SLC4A3: variants seen among roughly 807,000 people sequenced by gnomAD.
The protein encoded by SLC4A3 is anion exchange protein 3.
In SLC4A3, 47 loss-of-function variants were observed where a neutral mutation model predicts 114.2. The ratio of observed to expected loss-of-function variants is 0.41; its 90% CI spans 0.33 to 0.52. The LOEUF (loss-of-function observed/expected upper bound fraction) is 0.52. SLC4A3 is among the 20% of genes least tolerant of loss of function. SLC4A3 has a pLI of 0.21. For missense variants in SLC4A3, 1,312 were observed against 1,668.3 expected (o/e 0.79, Z 3.72); for synonymous variants, 693 against 710.3 (o/e 0.98, Z 0.39).
Position 219,639,483 on chromosome 2 carries a change from C to G in SLC4A3, c.3025C>G (p.Leu1009Val). 1 of 1,612,592 alleles carries G rather than the reference C, an allele frequency of 6.2e-7. No individual in the cohort carries two copies. The highest frequency in any genetic ancestry group is 1.1e-5 in the South Asian group (1 of 91,032). ...LIFMETQITA[L>V]IVSQKARRLL... Reference sequence around the variant, plus strand: ...CCGCTCCCCACCTTCTCCCTGCAGGCTTATCGTCAGCCAGAAGGCGCGGAG... The same window carrying G: ...CCGCTCCCCACCTTCTCCCTGCAGGGTTATCGTCAGCCAGAAGGCGCGGAG... The change falls in exon 20 of 23, where the codon CTT becomes GTT. Residue 1009 changes from leucine to valine, a missense_variant and splice_region_variant. Around this residue, in one of 4 missense-constraint regions of SLC4A3, gnomAD observed 301 missense variants for 460.7 expected, o/e 0.65. Coordinates refer to ENST00000358055, the MANE Select transcript of SLC4A3 (RefSeq NM_005070.4). This position sits in a 1 kb window ranked among gnomAD's most constrained non-coding sequence, Gnocchi z 5.9.
intron 12 of SLC4A3, among the ~76,000 whole-genome samples, 189 bp from the exon 13 acceptor site, chr2:219,635,082 G>A (rs974009674): frequency 4.6e-5 from 7 of 152,128 alleles, no homozygotes; most frequent in African/African-American, 1.4e-4. Flanking sequence ...GGGGCTTTGG[G>A]GCAGTGGCTT....
chr2:219,633,194 C>T, intron 9 of SLC4A3, 80 bp from the exon 10 acceptor site: 1 of 1,420,308 alleles, frequency 7.0e-7, no homozygotes, highest in African/African-American at 1.4e-5. Context: ...GATGGAGGTC[C>T]TGACCCTCCA....
intron 8 of SLC4A3, among the ~76,000 whole-genome samples, 167 bp from the exon 9 acceptor site, chr2:219,632,707 C>G (rs1698971447): frequency 1.3e-5 from 2 of 152,244 alleles, no homozygotes; most frequent in Non-Finnish European, 2.9e-5. Context: ...TTTCACGGCC[C>G]CTCTCTGACT....
chr2:219,635,585 G>C, intron 13 of SLC4A3, 88 bp from the exon 14 acceptor site: 1 of 1,476,372 alleles, frequency 6.8e-7, no homozygotes, highest in Non-Finnish European at 9.3e-7. Context: ...CCTGACTCCT[G>C]GAGTCCTTTG....
In SLC4A3 at chr2:219,638,944, T is replaced by C; in HGVS notation, c.3023+75T>C. 6.8e-7 allele frequency: 1 copy of C among 1,480,884 alleles called. No individual in the cohort carries two copies. The highest frequency in any genetic ancestry group is 1.8e-5 in the Admixed American group (1 of 56,122). The allele number at this position is 1,480,884 out of a possible 1,614,324, so 91.7% of individuals were successfully genotyped here. A position where few individuals can be genotyped will look rare whatever the true frequency, so the allele number is the denominator to read the frequency against. ...GCTCCTTGGCTTGGTTTCAGGGTTA[T>C]AGCAGGGACATCATTATCAGTATCA... is the stretch of plus-strand genomic sequence containing the variant. On this transcript the variant is annotated intron_variant, in intron 19 of 22. Coordinates refer to ENST00000358055, the MANE Select transcript of SLC4A3 (RefSeq NM_005070.4). This position sits in a 1 kb window ranked among gnomAD's most constrained non-coding sequence, Gnocchi z 7.5.
In SLC4A3 at chr2:219,639,458, C is replaced by A; in HGVS notation, c.3024-24C>A. ...CTGCCCCTGCCAGGCCAGCCACACC[C>A]CGCTCCCCACCTTCTCCCTGCAGGC... On this transcript the variant is annotated intron_variant, in intron 19 of 22. Transcript: ENST00000358055. This position sits in a 1 kb window ranked among gnomAD's most constrained non-coding sequence, Gnocchi z 5.9. 6.2e-7 allele frequency: 1 copy of A among 1,605,878 alleles called. No homozygotes were observed. The highest frequency in any genetic ancestry group is 1.1e-5 in the South Asian group (1 of 90,822).
rs766023665 is a variant in SLC4A3, at chr2:219,629,227, A to C, written c.301A>C (p.Thr101Pro). 20 of 1,612,336 alleles carry C rather than the reference A, an allele frequency of 1.2e-5. No homozygotes were observed. The East Asian group carries it at 4.5e-4, about 36-fold the overall frequency. ...CCACAAGCTGCGGCGGCTGCCCCCC[A>C]CCTCTGCCCGGCACACCAGGAGAAA... The part of the protein sequence containing the change: ...PPHKLRRLPP[T>P]SARHTRRKRK... The change falls in exon 4 of 23, where the codon ACC becomes CCC. Residue 101 changes from threonine to proline, a missense_variant. By Grantham distance (38) the Thr-to-Pro change is conservative. Coordinates refer to ENST00000358055, the MANE Select transcript of SLC4A3 (RefSeq NM_005070.4).
chr2:219,632,566 G>T (rs377514097), intron 8 of SLC4A3, 124 bp downstream of exon 8: 2 of 1,176,028 alleles, frequency 1.7e-6, no homozygotes, highest in South Asian at 1.6e-5. Flanking sequence ...ACCTGGGACC[G>T]TGGGGGTCCA....
In SLC4A3 at chr2:219,638,368, G is replaced by A; in HGVS notation, c.2856+115G>A. ...ATCAGGCCTGAACTCAACTTTCCCA[G>A]TGGAGTGGCCGCCCTGGGGGCTGAG... On this transcript the variant is annotated intron_variant, in intron 18 of 22. Coordinates refer to ENST00000358055, the MANE Select transcript of SLC4A3 (RefSeq NM_005070.4). The surrounding 1 kb of genome is among the most constrained non-coding windows in gnomAD (Gnocchi z 7.5). 1.2e-6 allele frequency: 1 copy of A among 866,432 alleles called. No individual in the cohort carries two copies. Among genetic ancestry groups the A allele is most frequent in the Non-Finnish European group, 1.8e-6 (1 of 544,350 alleles). The allele number at this position is 866,432 out of a possible 1,614,324, so 53.7% of individuals were successfully genotyped here. A position where few individuals can be genotyped will look rare whatever the true frequency, so the allele number is the denominator to read the frequency against.
intron 11 of SLC4A3, 93 bp from the exon 12 acceptor site, chr2:219,634,327 C>A: frequency 7.7e-7 from 1 of 1,290,430 alleles, no homozygotes; most frequent in Non-Finnish European, 1.1e-6. Context: ...TTACAACCTG[C>A]TCAACTGTCC....
Position 219,635,381 on chromosome 2 carries a change from T to C in SLC4A3, c.1857T>C (p.Arg619=). The change falls in exon 13 of 23, where the codon CGT becomes CGC. Residue 619 remains arginine, a synonymous_variant. Transcript: ENST00000358055. ...IVIPPSEVEG[R]DLLRSVAAFQ... is the part of the protein sequence containing the mutation. The stretch of plus-strand genomic sequence containing the variant: ...TCCCCCCGTCCGAGGTGGAGGGCCG[T>C]GACCTGCTGCGCTCCGTGGCTGCTT... 1.2e-6 allele frequency: 2 copies of C among 1,614,134 alleles called. No homozygotes were observed.
chr2:219,631,046 G>A lies in SLC4A3; in HGVS notation c.811+694G>A. ...AGCAGCAGGATGGGGGGTGGGGGAG[G>A]GCGTGTTTACAGACCCAGGGTGGGG... is the stretch of plus-strand genomic sequence containing the variant. On this transcript the variant is annotated intron_variant, in intron 6 of 22. Transcript: ENST00000358055. The surrounding 1 kb of genome is among the most constrained non-coding windows in gnomAD (Gnocchi z 6.3). 3.2e-6 allele frequency: 3 copies of A among 932,300 alleles called. No individual in the cohort carries two copies. Among genetic ancestry groups the A allele is most frequent in the Non-Finnish European group, 4.0e-6 (3 of 751,644 alleles). The allele number at this position is 932,300 out of a possible 1,614,324, so 57.8% of individuals were successfully genotyped here. A position where few individuals can be genotyped will look rare whatever the true frequency, so the allele number is the denominator to read the frequency against.
In SLC4A3 at chr2:219,638,627, C is replaced by T; in HGVS notation, c.2857-76C>T. The T allele has an allele frequency of 6.7e-7, 1 of 1,502,996 alleles. No individual in the cohort carries two copies. The highest frequency in any genetic ancestry group is 9.1e-7 in the Non-Finnish European group (1 of 1,099,770). The allele number at this position is 1,502,996 out of a possible 1,614,324, so 93.1% of individuals were successfully genotyped here. On this transcript the variant is annotated intron_variant, in intron 18 of 22. Coordinates refer to ENST00000358055, the MANE Select transcript of SLC4A3 (RefSeq NM_005070.4). The surrounding 1 kb of genome is among the most constrained non-coding windows in gnomAD (Gnocchi z 7.5). ...TCCCTGAAGTCCTGGACTGGGGACG[C>T]AGCTTAGTGGGCTGCTTGGTGGGCT...
chr2:219,632,229 C>G, intron 7 of SLC4A3, 33 bp from the exon 8 acceptor site: 7 of 1,613,184 alleles, frequency 4.3e-6, no homozygotes, highest in Non-Finnish European at 5.9e-6. Context: ...CACCTGTTGG[C>G]CCCTGGGCCC....
rs776093889 is a variant in SLC4A3, at chr2:219,637,799, C to T, written c.2754C>T (p.Phe918=). 1.1e-5 allele frequency: 18 copies of T among 1,613,326 alleles called. No homozygotes were observed. The South Asian group carries it at 2.0e-4, about 18-fold the overall frequency. The change falls in exon 17 of 23, where the codon TTC becomes TTT. Residue 918 remains phenylalanine (F), a synonymous_variant. Transcript: ENST00000358055. This position sits in a 1 kb window ranked among gnomAD's most constrained non-coding sequence, Gnocchi z 4.6. ...TGCGCAAGTTCAGGAACAGCCGCTT[C>T]CTGGGGGGCAAGGTGCGTGGCTGCT... ...FFLRKFRNSR[F]LGGKARRIIG...
At position 219,640,899 on chromosome 2, in the gene SLC4A3, G is replaced by T; in HGVS notation, c.3558G>T (p.Leu1186=). The T allele has an allele frequency of 6.2e-7, 1 of 1,611,188 alleles. No individual in the cohort carries two copies. Among genetic ancestry groups the T allele is most frequent in the Non-Finnish European group, 8.5e-7 (1 of 1,180,016 alleles). The change falls in exon 22 of 23, where the codon CTG becomes CTT. Residue 1186 remains leucine, a synonymous_variant. Transcript: ENST00000358055. The part of the protein sequence containing the change: ...AASLAFPFLL[L]LTVPLRHCLL... ...CACTCGCCTTTCCCTTCCTGCTGCT[G>T]CTCACGGTGCCTCTGAGGCATTGCC...
chr2:219,633,130 T>C (rs1574649875), intron 9 of SLC4A3, 121 bp downstream of exon 9: 2 of 1,415,046 alleles, frequency 1.4e-6, no homozygotes, highest in Admixed American at 2.0e-5. Context: ...AGCTCATTTC[T>C]ATCTTTTGAC....
Position 219,640,459 on chromosome 2 carries a change from C to T in SLC4A3, c.3307C>T (p.Arg1103Cys), listed in dbSNP as rs375878653. 1.7e-5 allele frequency: 28 copies of T among 1,613,730 alleles called. No homozygotes were observed. Among genetic ancestry groups the T allele is most frequent in the African/African-American group, 4.0e-5 (3 of 74,878 alleles). Residue 1103 changes from arginine to cysteine, a missense_variant, in exon 21 of 23, where the codon CGT (arginine) becomes TGT (cysteine). Around this residue, in one of 4 missense-constraint regions of SLC4A3, gnomAD observed 301 missense variants for 460.7 expected, o/e 0.65. Coordinates refer to ENST00000358055, the MANE Select transcript of SLC4A3 (RefSeq NM_005070.4). ...GTCCATCGTCATGGGGGCTGTGCTG[C>T]GTCGGATCCCATTGGCTGTGCTCTT... ...GLSIVMGAVL[R>C]RIPLAVLFGI...
chr2:219,639,408 C>T lies in SLC4A3; in HGVS notation c.3024-74C>T. ...ACGTCCTCCCCCCACCATCTCGTCT[C>T]TGTGTGCGTGCCTGTCTTTGTCCCC... On this transcript the variant is annotated intron_variant, in intron 19 of 22. Coordinates refer to ENST00000358055, the MANE Select transcript of SLC4A3 (RefSeq NM_005070.4). The surrounding 1 kb of genome is among the most constrained non-coding windows in gnomAD (Gnocchi z 5.9). 1.3e-6 allele frequency: 2 copies of T among 1,541,080 alleles called. No homozygotes were observed. The highest frequency in any genetic ancestry group is 2.3e-5 in the East Asian group (1 of 44,158).
Sources: gnomAD v4.1 joint callset for allele counts (sites outside exome capture counted in the v4.1 genomes callset) on GRCh38, gnomAD v4.1.1 for gene constraint, gnomAD v4.1.1 regional missense constraint, Gnocchi (gnomAD v3.1) non-coding constraint, MANE v1.5 for transcripts, NCBI Gene and HGNC (gene_info 2026-07-23, HGNC 2026-07-21) for gene names.